The following EML4 variants were observed in gnomAD, a reference collection of about 807,000 sequenced individuals.
The protein encoded by EML4 is echinoderm microtubule-associated protein-like 4.
A neutral mutation model predicts 129.0 loss-of-function variants in EML4; 72 were observed. The observed-to-expected ratio is 0.56, with a 90% CI of 0.46 to 0.68. The LOEUF is 0.68. Among genes scored for constraint, EML4 ranks in the 30% least tolerant of loss-of-function variants. The pLI is 0.00. For synonymous variants in EML4, 532 were observed against 405.0 expected (o/e 1.31, Z -3.77); for missense variants, 1,363 against 1,190.6 (o/e 1.14, Z -2.13).
At chr2:42,207,439 T>C (rs576176127) in intron 1 of EML4, among the ~76,000 whole-genome samples, 10 of 152,320 alleles carry the variant, frequency 6.6e-5, no homozygotes, top group Admixed American at 2.0e-4. Flanking sequence ...TTTTCACTTA[T>C]TGGTATCTTT....
chr2:42,199,474 AG>A (rs1201956578), intron 1 of EML4, among the ~76,000 whole-genome samples: 1 of 152,192 alleles, frequency 6.6e-6, no homozygotes, highest in Non-Finnish European at 1.5e-5. Flanking sequence ...TAAAGGAGGA[AG>A]GTTTTGCAGG....
At chr2:42,176,081 C>G (rs554029539) in intron 1 of EML4, among the ~76,000 whole-genome samples, 104 of 151,802 alleles carry the variant, frequency 6.9e-4, no homozygotes, top group Non-Finnish European at 2.4e-4. Flanking sequence ...CTCTTTATAA[C>G]CCTCAGGTAC....
chr2:42,281,885 C>G (rs58282075), intron 7 of EML4, among the ~76,000 whole-genome samples: 18,982 of 152,196 alleles, frequency 0.12, 1,240 homozygotes, highest in Middle Eastern at 0.23. Context: ...TCCTGCACTT[C>G]CTCCCACGTC....
intron 1 of EML4, among the ~76,000 whole-genome samples, chr2:42,210,707 A>C (rs1672839733): frequency 6.6e-6 from 1 of 152,166 alleles, no homozygotes; most frequent in African/African-American, 2.4e-5. Flanking sequence ...AAGATCCAAT[A>C]CTATTTTATT....
intron 13 of EML4, among the ~76,000 whole-genome samples, chr2:42,297,527 T>C (rs1369231410): frequency 6.6e-6 from 1 of 152,232 alleles, no homozygotes; most frequent in African/African-American, 2.4e-5. Flanking sequence ...GCCTGTGTTG[T>C]ACTTTGCCAC....
At chr2:42,187,511 CACTT>C (rs1427213946) in intron 1 of EML4, among the ~76,000 whole-genome samples, 6 of 152,148 alleles carry the variant, frequency 3.9e-5, no homozygotes, top group Non-Finnish European at 8.8e-5. Flanking sequence ...GAATATACCA[CACTT>C]AGTTTATTGA....
chr2:42,264,917 A>C, intron 6 of EML4, 186 bp downstream of exon 6: 1 of 1,550,492 alleles, frequency 6.4e-7, no homozygotes, highest in East Asian at 2.4e-5. Flanking sequence ...TGTCTCAACC[A>C]GCAAAAATGT....
intron 2 of EML4, among the ~76,000 whole-genome samples, chr2:42,251,945 C>G (rs184990894): frequency 3.9e-4 from 60 of 152,218 alleles, no homozygotes; most frequent in Non-Finnish European, 6.5e-4. Flanking sequence ...CATAGTCATC[C>G]CAAGGCTAGC....
intron 1 of EML4, among the ~76,000 whole-genome samples, chr2:42,214,394 C>A (rs943744176): frequency 5.9e-5 from 9 of 151,862 alleles, no homozygotes; most frequent in Non-Finnish European, 1.2e-4. Context: ...TAGCTTTTTC[C>A]TTTACTTTGT....
chr2:42,331,511 A>G lies in EML4; in HGVS notation c.*1304A>G, dbSNP rs573142106. ...TTTCCTATATGTTTATACTTTGATTATAAAAAAGTATTTTGTTTTGATTTT... is the reference window on the plus strand; with the variant it reads ...TTTCCTATATGTTTATACTTTGATTGTAAAAAAGTATTTTGTTTTGATTTT... On this transcript the variant is annotated 3_prime_UTR_variant, in exon 23 of 23. Coordinates refer to ENST00000318522, the MANE Select transcript of EML4 (RefSeq NM_019063.5). 3.7e-4 allele frequency: 83 copies of G among 223,614 alleles called. No individual in the cohort carries two copies. Among genetic ancestry groups the G allele is most frequent in the Middle Eastern group, 2.7e-3 (2 of 728 alleles). The allele number at this position is 223,614 out of a possible 1,614,324, so 13.9% of individuals were successfully genotyped here.
intron 1 of EML4, among the ~76,000 whole-genome samples, chr2:42,174,433 G>T (rs539613961): frequency 6.6e-6 from 1 of 152,082 alleles, no homozygotes; most frequent in Admixed American, 6.6e-5. Flanking sequence ...TGGGATTACA[G>T]TTGTGTACCA....
At chr2:42,173,261 C>G (rs1318442351) in intron 1 of EML4, among the ~76,000 whole-genome samples, 1 of 151,556 alleles carries the variant, frequency 6.6e-6, no homozygotes, top group Non-Finnish European at 1.5e-5. Context: ...TAAAGCATTC[C>G]TTATTTACAT....
intron 1 of EML4, among the ~76,000 whole-genome samples, chr2:42,176,092 A>G (rs1215180956): frequency 6.6e-6 from 1 of 151,358 alleles, no homozygotes; most frequent in Non-Finnish European, 1.5e-5. Context: ...CCTCAGGTAC[A>G]TACCTGAATC....
At chr2:42,212,199 G>C (rs1672925133) in intron 1 of EML4, among the ~76,000 whole-genome samples, 1 of 152,060 alleles carries the variant, frequency 6.6e-6, no homozygotes, top group Non-Finnish European at 1.5e-5. Flanking sequence ...AAGCCTTGTG[G>C]TACTCAGCTG....
rs1489415068 is a variant in EML4, at chr2:42,264,764, T to C, written c.667+33T>C. The C allele has an allele frequency of 3.4e-6, 5 of 1,464,116 alleles. No individual in the cohort carries two copies. In the African/African-American group the frequency reaches 7.1e-5, roughly 21 times the overall value. 90.7% of individuals were successfully genotyped at this position (1,464,116 alleles called of 1,614,324 possible). A position where few individuals can be genotyped will look rare whatever the true frequency, so the allele number is the denominator to read the frequency against. On this transcript the variant is annotated intron_variant, in intron 6 of 22. Coordinates refer to ENST00000318522, the MANE Select transcript of EML4 (RefSeq NM_019063.5). Reference sequence around the variant, plus strand: ...AAAAATCCTTTTAAAAATTTTATTTTGCCCTTCTTAGTTTAATTTTTGCTA... The same window carrying C: ...AAAAATCCTTTTAAAAATTTTATTTCGCCCTTCTTAGTTTAATTTTTGCTA...
rs375707062 is a variant in EML4, at chr2:42,306,484, CTTTTTTTTTTTTT to C, written c.1967+1947_1967+1959del. ...GTGTCTGATGACCTTGTGCTAAATC[CTTTTTTTTTTTTT>C]TTTTTTTTTTTTTGAGATAGAGTCT... On this transcript the variant is annotated intron_variant, in intron 17 of 22. Coordinates refer to ENST00000318522, the MANE Select transcript of EML4 (RefSeq NM_019063.5). Among the ~76,000 whole-genome samples the C allele has an allele frequency of 8.0e-5, 6 of 74,604 alleles. No homozygotes were observed. The South Asian group carries it at 3.1e-3, about 39-fold the overall frequency. The allele number at this position is 74,604 out of a possible 152,430, so 48.9% of individuals were successfully genotyped here. A position where few individuals can be genotyped will look rare whatever the true frequency, so the allele number is the denominator to read the frequency against.
At chr2:42,243,465 T>C (rs1319904131) in intron 1 of EML4, among the ~76,000 whole-genome samples, 2 of 152,224 alleles carry the variant, frequency 1.3e-5, no homozygotes, top group Non-Finnish European at 2.9e-5. Flanking sequence ...ACAAATGTGC[T>C]CAAAGTTTTC....
intron 1 of EML4, among the ~76,000 whole-genome samples, chr2:42,222,697 C>T (rs1379511123): frequency 6.6e-6 from 1 of 152,168 alleles, no homozygotes; most frequent in Non-Finnish European, 1.5e-5. Context: ...TATGCATTAT[C>T]TTTTGCTTAC....
At chr2:42,205,325 C>G (rs1267578883) in intron 1 of EML4, among the ~76,000 whole-genome samples, 4 of 152,260 alleles carry the variant, frequency 2.6e-5, no homozygotes, top group East Asian at 1.9e-4. Flanking sequence ...GTTGACAGAT[C>G]AACACTAATC....
Sources: gnomAD v4.1 joint callset for allele counts (sites outside exome capture counted in the v4.1 genomes callset) on GRCh38, gnomAD v4.1.1 for gene constraint, MANE v1.5 for transcripts, NCBI Gene and HGNC (gene_info 2026-07-23, HGNC 2026-07-21) for gene names.